DENND1A: variants seen among roughly 807,000 people sequenced by gnomAD.
DENND1A encodes the protein DENN domain containing 1A, also known as DENN domain-containing protein 1A.
In DENND1A, 51 loss-of-function variants were observed where a neutral mutation model predicts 113.7. That is an observed-to-expected ratio of 0.45 (90% CI 0.36 to 0.57). The LOEUF (loss-of-function observed/expected upper bound fraction) is 0.57, where lower values mean the gene tolerates loss of function less well. Among genes scored for constraint, DENND1A ranks in the 20% least tolerant of loss-of-function variants. The pLI is 0.00. For synonymous variants in DENND1A, 565 were observed against 570.8 expected, an observed-to-expected ratio of 0.99 and a Z score of 0.14; for missense variants, 1,258 against 1,395.9, an observed-to-expected ratio of 0.90 and a Z score of 1.57.
intron 20 of DENND1A, among the ~76,000 whole-genome samples, chr9:123,408,053 G>A (rs4838058): frequency 0.023 from 3,566 of 152,150 alleles, 212 homozygotes; most frequent in East Asian, 0.18. Context: ...CCAGCCACAG[G>A]TGCCAGGCTA....
At chr9:123,484,647 G>C (rs1445143526) in intron 13 of DENND1A, among the ~76,000 whole-genome samples, 1 of 152,188 alleles carries the variant, frequency 6.6e-6, no homozygotes, top group Non-Finnish European at 1.5e-5. Flanking sequence ...TAGCCACACT[G>C]AGTGCTTGCA....
chr9:123,443,811 C>G (rs755035787), intron 18 of DENND1A, among the ~76,000 whole-genome samples: 20 of 152,192 alleles, frequency 1.3e-4, no homozygotes, highest in Non-Finnish European at 1.9e-4. Context: ...TAAAAATTAG[C>G]TGGATGCGGC....
rs538732453 is a variant in DENND1A, at chr9:123,913,691, A to G, written c.17+16198T>C. ...GAGGACGAGGTGGGTGGATCACCTG[A>G]GGTCAGGAGTTCGAGACTAGCCTGA... On this transcript the variant is annotated intron_variant, in intron 1 of 23. Transcript: ENST00000394215. 3.2e-3 allele frequency among the ~76,000 whole-genome samples: 492 copies of G among 151,766 alleles called. 1 individual carries two copies. The highest frequency in any genetic ancestry group is 5.3e-3 in the Admixed American group (81 of 15,224).
intron 1 of DENND1A, among the ~76,000 whole-genome samples, chr9:123,905,713 C>T (rs1476463536): frequency 1.1e-3 from 157 of 148,282 alleles, no homozygotes; most frequent in South Asian, 1.5e-3. Context: ...AAAGCAAGTC[C>T]TGAGTGACCT....
chr9:123,562,977 C>A (rs1156900844), intron 12 of DENND1A, among the ~76,000 whole-genome samples: 2 of 152,162 alleles, frequency 1.3e-5, no homozygotes, highest in African/African-American at 4.8e-5. Context: ...AAGTGCTTGA[C>A]ATTGTGAAAG....
chr9:123,536,606 G>C (rs1289074433), intron 13 of DENND1A, among the ~76,000 whole-genome samples: 2 of 152,148 alleles, frequency 1.3e-5, no homozygotes, highest in Admixed American at 6.5e-5. Flanking sequence ...ATGGTAAGAA[G>C]GACTGAAGGA....
intron 11 of DENND1A, among the ~76,000 whole-genome samples, chr9:123,584,148 C>T (rs1021884930): frequency 5.3e-5 from 8 of 152,192 alleles, no homozygotes; most frequent in Non-Finnish European, 1.0e-4. Flanking sequence ...ACGTATCAAG[C>T]GTATTCCTTT....
intron 2 of DENND1A, among the ~76,000 whole-genome samples, chr9:123,857,765 G>C (rs1844429554): frequency 6.6e-6 from 1 of 152,136 alleles, no homozygotes; most frequent in Non-Finnish European, 1.5e-5. Flanking sequence ...GGAGACTAAA[G>C]AAACATTAAA....
intron 19 of DENND1A, among the ~76,000 whole-genome samples, chr9:123,434,886 G>A (rs1341885120): frequency 6.6e-6 from 1 of 152,224 alleles, no homozygotes; most frequent in Admixed American, 6.5e-5. Context: ...GGACTACAGG[G>A]AGTACCAGTT....
intron 13 of DENND1A, among the ~76,000 whole-genome samples, chr9:123,537,441 T>C (rs890269957): frequency 7.3e-5 from 11 of 151,620 alleles, no homozygotes; most frequent in South Asian, 2.1e-4. Flanking sequence ...GTGAAAAATA[T>C]TGAAAATAGG....
chr9:123,592,157 T>G (rs1217188614), intron 11 of DENND1A, among the ~76,000 whole-genome samples: 2 of 152,222 alleles, frequency 1.3e-5, no homozygotes, highest in Non-Finnish European at 2.9e-5. Context: ...GTGGGGCTAT[T>G]AAAGGCAAGT....
At chr9:123,532,208 A>G (rs757223542) in intron 13 of DENND1A, among the ~76,000 whole-genome samples, 3 of 152,238 alleles carry the variant, frequency 2.0e-5, no homozygotes, top group Admixed American at 6.5e-5. Flanking sequence ...CATTATAACA[A>G]ACTGACTATA....
At chr9:123,903,235 G>C (rs1343879616) in intron 1 of DENND1A, among the ~76,000 whole-genome samples, 1 of 148,378 alleles carries the variant, frequency 6.7e-6, no homozygotes, top group East Asian at 2.0e-4. Flanking sequence ...GGGAGGCTGA[G>C]GCAGGAGAAT....
chr9:123,648,128 G>A (rs970234151), intron 9 of DENND1A, among the ~76,000 whole-genome samples: 2 of 152,188 alleles, frequency 1.3e-5, no homozygotes, highest in Admixed American at 6.5e-5. Flanking sequence ...TGTCCACGCT[G>A]GAGTGAAGTG....
At chr9:123,804,889 T>C (rs891710583) in intron 2 of DENND1A, among the ~76,000 whole-genome samples, 2 of 152,178 alleles carry the variant, frequency 1.3e-5, no homozygotes, top group Non-Finnish European at 2.9e-5. Context: ...TGTTCTCAAA[T>C]AGCATCTAGA....
At chr9:123,567,080 C>G (rs2058095548) in intron 12 of DENND1A, among the ~76,000 whole-genome samples, 1 of 152,148 alleles carries the variant, frequency 6.6e-6, no homozygotes, top group African/African-American at 2.4e-5. Flanking sequence ...CAAATATGTG[C>G]ATGCATGTAT....
chr9:123,626,445 T>C (rs1267470378), intron 10 of DENND1A, among the ~76,000 whole-genome samples: 3 of 152,080 alleles, frequency 2.0e-5, no homozygotes, highest in Non-Finnish European at 4.4e-5. Context: ...GTCTCCTTTC[T>C]ACCTTCTCCT....
chr9:123,762,496 A>T (rs2071124366), intron 4 of DENND1A, among the ~76,000 whole-genome samples: 2 of 152,252 alleles, frequency 1.3e-5, no homozygotes, highest in Non-Finnish European at 2.9e-5. Context: ...ATGAGGATGG[A>T]CAGTTTGATT....
chr9:123,614,350 T>C (rs1285660695), intron 10 of DENND1A, among the ~76,000 whole-genome samples: 1 of 152,212 alleles, frequency 6.6e-6, no homozygotes, highest in Non-Finnish European at 1.5e-5. Context: ...CCTGTGATGC[T>C]GAGCGCTTCT....
Sources: gnomAD v4.1 joint callset for allele counts (sites outside exome capture counted in the v4.1 genomes callset) on GRCh38, gnomAD v4.1.1 for gene constraint, MANE v1.5 for transcripts, NCBI Gene and HGNC (gene_info 2026-07-23, HGNC 2026-07-21) for gene names.